RBFOX1: variants seen among roughly 807,000 people sequenced by gnomAD.
RBFOX1 encodes RNA binding fox-1 homolog 1.
Under a neutral mutation model 57.7 loss-of-function variants are expected in RBFOX1, and 8 were observed. The ratio of observed to expected loss-of-function variants is 0.14; its 90% CI spans 0.08 to 0.25. The LOEUF (loss-of-function observed/expected upper bound fraction) is 0.25, where lower values mean the gene tolerates loss of function less well. Ranked by LOEUF, RBFOX1 falls within the 10% of genes least tolerant of loss-of-function variation. The pLI is 1.00. For synonymous variants in RBFOX1, 326 were observed against 222.4 expected, an observed-to-expected ratio of 1.47 and a Z score of -4.15; for missense variants, 611 against 548.5, an observed-to-expected ratio of 1.11 and a Z score of -1.14.
intron 1 of RBFOX1, among the ~76,000 whole-genome samples, chr16:6,127,134 C>G (rs1015143291): frequency 6.6e-6 from 1 of 152,004 alleles, no homozygotes; most frequent in Non-Finnish European, 1.5e-5. Context: ...ACAAATGTGA[C>G]CTGTTGGAGA....
intron 1 of RBFOX1, among the ~76,000 whole-genome samples, chr16:6,178,595 A>G (rs1389004277): frequency 6.6e-6 from 1 of 152,196 alleles, no homozygotes; most frequent in African/African-American, 2.4e-5. Context: ...AAAGCCATAT[A>G]AAAGAAGGAA....
intron 3 of RBFOX1, among the ~76,000 whole-genome samples, chr16:6,656,955 C>CTCCT (rs1221736212): frequency 5.4e-5 from 7 of 129,698 alleles, no homozygotes; most frequent in African/African-American, 2.1e-4. Flanking sequence ...TTCCTCTCCT[C>CTCCT]CCCTTTCCTC....
At chr16:5,933,967 C>T (rs771345304) in intron 4 of RBFOX1, among the ~76,000 whole-genome samples, 11 of 152,140 alleles carry the variant, frequency 7.2e-5, no homozygotes, top group South Asian at 6.2e-4. Context: ...CTCAAGTAGG[C>T]GCCTGTGTCT....
At chr16:6,940,810 G>GTGTGTGTGTA (rs1273340669) in intron 3 of RBFOX1, among the ~76,000 whole-genome samples, 2 of 133,952 alleles carry the variant, frequency 1.5e-5, no homozygotes, top group African/African-American at 5.8e-5. Flanking sequence ...GTGTGTGTGT[G>GTGTGTGTGTA]TAGCTGGGAG....
At chr16:5,261,373 CTG>C (rs1491351387) in intron 1 of RBFOX1, among the ~76,000 whole-genome samples, 36 of 151,500 alleles carry the variant, frequency 2.4e-4, no homozygotes, top group Non-Finnish European at 3.4e-4. Flanking sequence ...ATTATGAAGA[CTG>C]TTTTTTTTAA....
At chr16:7,133,578 T>C (rs1899021754) in intron 4 of RBFOX1, among the ~76,000 whole-genome samples, 4 of 152,194 alleles carry the variant, frequency 2.6e-5, no homozygotes, top group Non-Finnish European at 4.4e-5. Context: ...AGCTGAAAGA[T>C]ACACACATGA....
At chr16:7,404,702 GAAAA>G (rs748814424) in intron 4 of RBFOX1, among the ~76,000 whole-genome samples, 1 of 149,432 alleles carries the variant, frequency 6.7e-6, no homozygotes. Flanking sequence ...TGCTTTTTCA[GAAAA>G]AACAAACAAA....
At chr16:7,062,523 A>G (rs1033703403) in intron 4 of RBFOX1, among the ~76,000 whole-genome samples, 4 of 152,068 alleles carry the variant, frequency 2.6e-5, no homozygotes, top group Non-Finnish European at 4.4e-5. Context: ...ATTTCTGCCT[A>G]TGGTAGCTAG....
chr16:5,292,924 G>A (rs1403594471), intron 1 of RBFOX1, among the ~76,000 whole-genome samples: 2 of 152,068 alleles, frequency 1.3e-5, no homozygotes, highest in Non-Finnish European at 2.9e-5. Flanking sequence ...TGCCCAGCCT[G>A]GAGTTTTTTT....
At chr16:6,974,381 G>C (rs1207381788) in intron 3 of RBFOX1, among the ~76,000 whole-genome samples, 2 of 49,864 alleles carry the variant, frequency 4.0e-5, no homozygotes, top group African/African-American at 1.4e-4. Flanking sequence ...GTCTTGCTTT[G>C]TTGCCCAGGC....
Position 7,653,923 on chromosome 16 carries a change from C to T in RBFOX1, c.866C>T (p.Pro289Leu), listed in dbSNP as rs1282113144. Residue 289 changes from proline (P) to leucine (L), a missense_variant, in exon 12 of 16, where the codon CCG becomes CTG. By Grantham distance (98) the Pro-to-Leu change is moderately conservative (BLOSUM62 -3). Around this residue, in one of 3 missense-constraint regions of RBFOX1, gnomAD observed 267 missense variants for 229.1 expected, o/e 1.17. Coordinates refer to ENST00000550418, the MANE Select transcript of RBFOX1 (RefSeq NM_018723.4). ...VYNTFRAAAP[P>L]PPIPAYGGVV... ...AACACCTTCAGGGCCGCGGCGCCCC[C>T]GCCCCCGATCCCGGCCTACGGCGGG... 16 of 1,560,130 alleles carry T rather than the reference C, an allele frequency of 1.0e-5. No homozygotes were observed. The highest frequency in any genetic ancestry group is 3.7e-5 in the Admixed American group (2 of 54,618).
intron 1 of RBFOX1, among the ~76,000 whole-genome samples, chr16:5,420,939 T>TCCTCC (rs2067305773): frequency 1.8e-5 from 2 of 111,600 alleles, no homozygotes; most frequent in African/African-American, 7.3e-5. Context: ...CCCCCTCCCC[T>TCCTCC]TCCTCCTGCT....
intron 1 of RBFOX1, among the ~76,000 whole-genome samples, chr16:5,292,539 A>G (rs1404435693): frequency 1.3e-5 from 2 of 152,108 alleles, no homozygotes; most frequent in Non-Finnish European, 2.9e-5. Context: ...ACCCAATGCA[A>G]ATAGGCACTC....
At chr16:7,157,022 T>C (rs573002016) in intron 4 of RBFOX1, among the ~76,000 whole-genome samples, 2 of 152,328 alleles carry the variant, frequency 1.3e-5, no homozygotes, top group South Asian at 4.1e-4. Flanking sequence ...TGTGAAAGGC[T>C]GAAGGAAATT....
chr16:6,608,640 C>T (rs540237582), intron 2 of RBFOX1, among the ~76,000 whole-genome samples: 6 of 152,142 alleles, frequency 3.9e-5, no homozygotes, highest in Non-Finnish European at 7.4e-5. Context: ...ATTAACTAGT[C>T]ATGGCGGCAC....
At chr16:7,120,947 C>T (rs549425981) in intron 4 of RBFOX1, among the ~76,000 whole-genome samples, 19 of 151,540 alleles carry the variant, frequency 1.3e-4, no homozygotes, top group African/African-American at 3.9e-4. Context: ...GAGTCCAAGG[C>T]TGGTTTCATA....
At chr16:5,320,814 G>A (rs1177153003) in intron 1 of RBFOX1, among the ~76,000 whole-genome samples, 3 of 152,154 alleles carry the variant, frequency 2.0e-5, no homozygotes, top group African/African-American at 7.2e-5. Context: ...GGGCTCCAGG[G>A]AGTTTCCAGG....
intron 3 of RBFOX1, among the ~76,000 whole-genome samples, chr16:5,617,906 C>A (rs1303449184): frequency 7.9e-5 from 12 of 152,284 alleles, no homozygotes; most frequent in Middle Eastern, 3.4e-3. Context: ...ACACTCTTAC[C>A]TGGTATCTAC....
chr16:7,354,958 C>T (rs1055122946), intron 4 of RBFOX1, among the ~76,000 whole-genome samples: 9 of 152,034 alleles, frequency 5.9e-5, no homozygotes, highest in Non-Finnish European at 1.2e-4. Context: ...TAAGCAAATT[C>T]GAATGCTGAA....
Sources: gnomAD v4.1 joint callset for allele counts (sites outside exome capture counted in the v4.1 genomes callset) on GRCh38, gnomAD v4.1.1 for gene constraint, gnomAD v4.1.1 regional missense constraint, MANE v1.5 for transcripts, NCBI Gene and HGNC (gene_info 2026-07-23, HGNC 2026-07-21) for gene names.